TMEM41B: variants seen among roughly 807,000 people sequenced by gnomAD.
TMEM41B encodes the protein protein stasimon.
A neutral mutation model predicts 31.9 loss-of-function variants in TMEM41B; 18 were observed. The ratio of observed to expected loss-of-function variants is 0.56; its 90% CI spans 0.39 to 0.84. TMEM41B has a LOEUF of 0.84. TMEM41B is among the 40% of genes least tolerant of loss of function. The pLI is 0.00. For synonymous variants in TMEM41B, 144 were observed against 124.3 expected (o/e 1.16, Z -1.05); for missense variants, 322 against 348.0 (o/e 0.93, Z 0.59).
At chr11:9,307,460 T>A (rs1488767941) in intron 1 of TMEM41B, among the ~76,000 whole-genome samples, 2 of 152,126 alleles carry the variant, frequency 1.3e-5, no homozygotes, top group Non-Finnish European at 2.9e-5. Context: ...TTTTTTTTTT[T>A]TGAGATCGAG....
At chr11:9,305,794 G>A (rs1315239506) in intron 1 of TMEM41B, among the ~76,000 whole-genome samples, 2 of 151,912 alleles carry the variant, frequency 1.3e-5, no homozygotes, top group African/African-American at 4.8e-5. Context: ...TTCATATTAT[G>A]AGCATCTTTT....
chr11:9,297,153 C>T (rs767546680), intron 2 of TMEM41B, among the ~76,000 whole-genome samples: 3 of 152,078 alleles, frequency 2.0e-5, no homozygotes, highest in Admixed American at 6.6e-5. Context: ...GGCGTGATCT[C>T]GGCCCACTGC....
rs1853059951 is a variant in TMEM41B, at chr11:9,295,355, T to A, written c.272A>T (p.Asp91Val). 2 of 1,594,960 alleles carry A rather than the reference T, an allele frequency of 1.3e-6. No individual in the cohort carries two copies. The highest frequency in any genetic ancestry group is 1.8e-5 in the Admixed American group (1 of 55,980). Residue 91 changes from aspartate to valine, a missense_variant, in exon 3 of 7, where the codon GAT becomes GTT. Physicochemically the swap from Asp to Val is radical, Grantham distance 152 (BLOSUM62 -3). This residue lies in a region of TMEM41B where 183 missense variants were observed against 175.3 expected (regional missense o/e 1.04). Transcript: ENST00000528080. ...EERVNMKVPR[D>V]MDDAKALGKV... ...TCCTAGAGCCTTGGCATCATCCATATCTCTGGGAACCTTCATATTCACTCT... is the reference window on the plus strand; with the variant it reads ...TCCTAGAGCCTTGGCATCATCCATAACTCTGGGAACCTTCATATTCACTCT...
intron 5 of TMEM41B, 54 bp downstream of exon 5, chr11:9,287,648 A>T (rs930987447): frequency 7.7e-7 from 1 of 1,291,754 alleles, no homozygotes; most frequent in East Asian, 2.4e-5. Context: ...GACTAAACAC[A>T]GACCTTCCAA....
At chr11:9,299,850 T>A (rs1269716409) in intron 1 of TMEM41B, 149 bp from the exon 2 acceptor site, 4 of 650,636 alleles carry the variant, frequency 6.1e-6, no homozygotes, top group Non-Finnish European at 1.1e-5. Context: ...CCGGGCACAG[T>A]GACTCACGCC....
chr11:9,290,019 A>G (rs1308639894), intron 3 of TMEM41B, among the ~76,000 whole-genome samples: 1 of 151,674 alleles, frequency 6.6e-6, no homozygotes, highest in Admixed American at 6.6e-5. Context: ...TGTCTCCTAC[A>G]TGTCTCTGTC....
At chr11:9,287,933 T>A in intron 4 of TMEM41B, 127 bp from the exon 5 acceptor site, 1 of 711,452 alleles carries the variant, frequency 1.4e-6, no homozygotes, top group Admixed American at 2.8e-5. Flanking sequence ...CTGCATGACA[T>A]CTCTTGTGCA....
chr11:9,304,971 A>G (rs1853348483), intron 1 of TMEM41B, among the ~76,000 whole-genome samples: 1 of 151,256 alleles, frequency 6.6e-6, no homozygotes, highest in East Asian at 2.0e-4. Flanking sequence ...TTGGTTTTGT[A>G]TTTAGAGACC....
At position 9,283,471 on chromosome 11, in the gene TMEM41B, T is replaced by A; in HGVS notation, c.829A>T (p.Ile277Phe). 6.2e-7 allele frequency: 1 copy of A among 1,607,112 alleles called. No individual in the cohort carries two copies. The highest frequency in any genetic ancestry group is 8.5e-7 in the Non-Finnish European group (1 of 1,178,452). ...TTTTTTTGGAAGATGGCTGGCAGAATAGAAAGAACAGCCAAGATCATCAGA... is the reference window on the plus strand; with the variant it reads ...TTTTTTTGGAAGATGGCTGGCAGAAAAGAAAGAACAGCCAAGATCATCAGA... ...FILMILAVLS[I>F]LPAIFQKKLK... The change falls in exon 7 of 7, where the codon ATT (isoleucine) becomes TTT (phenylalanine). Residue 277 changes from isoleucine to phenylalanine, a missense_variant. This residue lies in a region of TMEM41B where 92 missense variants were observed against 88.0 expected (regional missense o/e 1.05). Coordinates refer to ENST00000528080, the MANE Select transcript of TMEM41B (RefSeq NM_015012.4).
chr11:9,286,025 G>C (rs1479639870), intron 6 of TMEM41B, among the ~76,000 whole-genome samples: 1 of 152,194 alleles, frequency 6.6e-6, no homozygotes, highest in Non-Finnish European at 1.5e-5. Context: ...TGAGGCAGGA[G>C]AATCGCTTGA....
At chr11:9,313,856 G>A (rs1244743601) in intron 1 of TMEM41B, among the ~76,000 whole-genome samples, 1 of 152,074 alleles carries the variant, frequency 6.6e-6, no homozygotes, top group Non-Finnish European at 1.5e-5. Context: ...CAGTAGGGCA[G>A]GGACTCAAGC....
intron 1 of TMEM41B, among the ~76,000 whole-genome samples, chr11:9,310,622 C>T (rs1029503647): frequency 6.7e-6 from 1 of 149,676 alleles, no homozygotes; most frequent in Admixed American, 6.7e-5. Flanking sequence ...GTACTCTAGT[C>T]CAGTCACCTT....
At chr11:9,284,478 A>G (rs1852791475) in intron 6 of TMEM41B, among the ~76,000 whole-genome samples, 1 of 151,970 alleles carries the variant, frequency 6.6e-6, no homozygotes, top group East Asian at 1.9e-4. Flanking sequence ...AGAAAAAAAA[A>G]CAGGCCCGGC....
intron 2 of TMEM41B, among the ~76,000 whole-genome samples, chr11:9,299,325 T>TACATACACACACACACACAC (rs1554943934): frequency 8.1e-6 from 1 of 123,144 alleles, no homozygotes. Flanking sequence ...TATACATACA[T>TACATACACACACACACACAC]ACACACACAC....
chr11:9,301,396 TTTA>T (rs1853256184), intron 1 of TMEM41B, among the ~76,000 whole-genome samples: 2 of 152,126 alleles, frequency 1.3e-5, no homozygotes. Context: ...ATAATTCAGA[TTTA>T]TTATTTTTAG....
chr11:9,310,352 G>C (rs756413003), intron 1 of TMEM41B, among the ~76,000 whole-genome samples: 1 of 151,246 alleles, frequency 6.6e-6, no homozygotes, highest in African/African-American at 2.4e-5. Flanking sequence ...TACATGACCC[G>C]GTATACACAA....
At chr11:9,304,036 C>T (rs1738923813) in intron 1 of TMEM41B, among the ~76,000 whole-genome samples, 1 of 152,170 alleles carries the variant, frequency 6.6e-6, no homozygotes, top group South Asian at 2.1e-4. Flanking sequence ...ATTTGCTCAA[C>T]TCTTACTTAT....
At position 9,281,369 on chromosome 11, in the gene TMEM41B, A is replaced by T. The variant is rs537845969; in HGVS notation, c.*2055T>A. On this transcript the variant is annotated 3_prime_UTR_variant, in exon 7 of 7. Transcript: ENST00000528080. The stretch of plus-strand genomic sequence containing the variant: ...AGAAATAATAAATAATCTCACGCAA[A>T]AGGCCAGGTGACATAAGAATACTAC... The T allele has an allele frequency of 1.3e-5, 2 of 152,330 alleles. No individual in the cohort carries two copies. Among genetic ancestry groups the T allele is most frequent in the South Asian group, 4.1e-4 (2 of 4,824 alleles). The allele number at this position is 152,330 out of a possible 1,614,324, so 9.4% of individuals were successfully genotyped here.
intron 1 of TMEM41B, among the ~76,000 whole-genome samples, chr11:9,304,452 A>G (rs573281883): frequency 6.6e-6 from 1 of 152,244 alleles, no homozygotes; most frequent in Admixed American, 6.5e-5. Context: ...TTGGTTTATA[A>G]ATATAAACCC....
Sources: allele counts gnomAD v4.1 joint callset (sites outside exome capture counted in the v4.1 genomes callset), GRCh38; gene constraint gnomAD v4.1.1; regional missense constraint gnomAD v4.1.1; transcripts MANE v1.5; gene names NCBI Gene and HGNC (gene_info 2026-07-23, HGNC 2026-07-21).